The following DNAJC2 variants were observed in gnomAD, a reference collection of about 807,000 sequenced individuals.
DNAJC2 encodes the protein DnaJ heat shock protein family (Hsp40) member C2, also known as dnaJ homolog subfamily C member 2.
Under a neutral mutation model 94.0 loss-of-function variants are expected in DNAJC2, and 32 were observed. The ratio of observed to expected loss-of-function variants is 0.34; its 90% CI spans 0.26 to 0.46. The LOEUF is 0.46. DNAJC2 is among the 20% of genes least tolerant of loss of function. The probability of loss-of-function intolerance (pLI) is 1.00; values close to 1 mark genes in which losing one functional copy is unlikely to be tolerated. For missense variants in DNAJC2, 550 were observed against 719.5 expected, an observed-to-expected ratio of 0.76 and a Z score of 2.69; for synonymous variants, 210 against 229.7, an observed-to-expected ratio of 0.91 and a Z score of 0.77.
At chr7:103,324,683 A>C (rs1171073064) in intron 5 of DNAJC2, 121 bp from the exon 6 acceptor site, 1 of 971,330 alleles carries the variant, frequency 1.0e-6, no homozygotes, top group East Asian at 3.7e-5. Context: ...CCTTCCCTAC[A>C]AACTCTACAA....
chr7:103,343,131 C>T (rs1337761365), intron 1 of DNAJC2, among the ~76,000 whole-genome samples: 2 of 152,116 alleles, frequency 1.3e-5, no homozygotes, highest in African/African-American at 4.8e-5. Context: ...TCCCAAGTTG[C>T]TGGGATTATA....
At chr7:103,340,713 C>G (rs1819343011) in intron 2 of DNAJC2, among the ~76,000 whole-genome samples, 1 of 152,220 alleles carries the variant, frequency 6.6e-6, no homozygotes, top group Admixed American at 6.5e-5. Context: ...CCTACTAAAG[C>G]ATTATCTATT....
At chr7:103,314,922 G>T (rs1037620349) in intron 15 of DNAJC2, among the ~76,000 whole-genome samples, 5 of 152,092 alleles carry the variant, frequency 3.3e-5, no homozygotes, top group African/African-American at 7.2e-5. Flanking sequence ...TGAAGTGAAA[G>T]AACTTTTTCC....
chr7:103,319,339 A>T (rs1818251390), intron 12 of DNAJC2, among the ~76,000 whole-genome samples: 1 of 152,104 alleles, frequency 6.6e-6, no homozygotes, highest in African/African-American at 2.4e-5. Flanking sequence ...CAGGAGGCTG[A>T]GGCAGGAGAA....
intron 2 of DNAJC2, among the ~76,000 whole-genome samples, chr7:103,341,438 T>C (rs1819370577): frequency 6.6e-6 from 1 of 152,206 alleles, no homozygotes; most frequent in Admixed American, 6.5e-5. Context: ...AGGCACTACA[T>C]ATTCTTTTAC....
chr7:103,321,533 T>C (rs1017488677), intron 10 of DNAJC2, among the ~76,000 whole-genome samples: 1 of 149,940 alleles, frequency 6.7e-6, no homozygotes, highest in East Asian at 2.0e-4. Flanking sequence ...AATAAATAAA[T>C]AAAAATAATT....
chr7:103,320,748 T>C, intron 10 of DNAJC2: 1 of 106,760 alleles, frequency 9.4e-6, no homozygotes, highest in Non-Finnish European at 1.8e-5. Flanking sequence ...TGTCACAAAA[T>C]ATATATATAT....
chr7:103,314,388 C>T (rs1455179621), intron 15 of DNAJC2: 3 of 985,262 alleles, frequency 3.0e-6, no homozygotes, highest in African/African-American at 1.7e-5. Flanking sequence ...CTTCCCATTT[C>T]CATAAAAGAG....
Position 103,322,685 on chromosome 7 carries a change from T to TA in DNAJC2, c.811+17dup. On this transcript the variant is annotated intron_variant, in intron 8 of 16. Transcript: ENST00000379263. ...TTGAATTTCTAACATTTAGGGGACT[T>TA]AAATCAATTCTACTTACCAACTAAT... The TA allele has an allele frequency of 6.2e-7, 1 of 1,612,798 alleles. No homozygotes were observed. The highest frequency in any genetic ancestry group is 1.7e-5 in the Admixed American group (1 of 60,018).
intron 3 of DNAJC2, among the ~76,000 whole-genome samples, chr7:103,330,472 G>A (rs1818920953): frequency 6.6e-6 from 1 of 151,640 alleles, no homozygotes; most frequent in Admixed American, 6.6e-5. Flanking sequence ...TATTTATTGA[G>A]ATGGAGTTTT....
At chr7:103,326,481 C>A in intron 5 of DNAJC2, 62 bp downstream of exon 5, 1 of 1,533,642 alleles carries the variant, frequency 6.5e-7, no homozygotes, top group South Asian at 1.2e-5. Context: ...GAGCAGAAAC[C>A]TGGAAGACTA....
intron 3 of DNAJC2, among the ~76,000 whole-genome samples, chr7:103,331,711 T>C (rs1586102561): frequency 6.6e-6 from 1 of 152,222 alleles, no homozygotes; most frequent in African/African-American, 2.4e-5. Flanking sequence ...GGCTGAGTGG[T>C]ATCCCATTGT....
chr7:103,319,398 C>A (rs1818255559), intron 12 of DNAJC2, among the ~76,000 whole-genome samples: 1 of 152,134 alleles, frequency 6.6e-6, no homozygotes, highest in Non-Finnish European at 1.5e-5. Flanking sequence ...GATCGTGCCA[C>A]TGCACTCCAG....
intron 1 of DNAJC2, 48 bp from the exon 2 acceptor site, chr7:103,342,002 AAT>A (rs756691329): frequency 5.1e-6 from 7 of 1,375,000 alleles, no homozygotes; most frequent in African/African-American, 1.5e-5. Context: ...GCATGGAATA[AAT>A]ATGTTTCAAG....
chr7:103,317,389 C>G (rs1302832232), intron 12 of DNAJC2: 2 of 179,182 alleles, frequency 1.1e-5, no homozygotes, highest in Non-Finnish European at 2.3e-5. Context: ...TATTCTCTAC[C>G]AAAAGGTGAA....
At chr7:103,319,961 G>C in intron 10 of DNAJC2, 117 bp from the exon 11 acceptor site, 1 of 1,078,392 alleles carries the variant, frequency 9.3e-7, no homozygotes, top group South Asian at 1.4e-5. Context: ...CTTGAACCTG[G>C]AGGCGGAAAT....
chr7:103,328,352 T>A (rs1818817136), intron 3 of DNAJC2, among the ~76,000 whole-genome samples: 1 of 152,016 alleles, frequency 6.6e-6, no homozygotes, highest in African/African-American at 2.4e-5. Context: ...AGGTGTAGGC[T>A]GGGCATGGTG....
intron 16 of DNAJC2, 147 bp downstream of exon 16, chr7:103,312,800 C>G: frequency 6.6e-7 from 1 of 1,510,778 alleles, no homozygotes; most frequent in East Asian, 2.3e-5. Flanking sequence ...TAAGGTTGCT[C>G]ATTTCTTCCT....
At chr7:103,344,455 T>C in intron 1 of DNAJC2, 104 bp downstream of exon 1, 1 of 1,327,762 alleles carries the variant, frequency 7.5e-7, no homozygotes. Context: ...GCCCCGGGGC[T>C]AGTCGCCAGG....
Sources: allele counts gnomAD v4.1 joint callset (sites outside exome capture counted in the v4.1 genomes callset), GRCh38; gene constraint gnomAD v4.1.1; transcripts MANE v1.5; gene names NCBI Gene and HGNC (gene_info 2026-07-23, HGNC 2026-07-21).